POLR2B: variants seen among roughly 807,000 people sequenced by gnomAD.
The protein encoded by POLR2B is RNA polymerase II subunit B, also known as DNA-directed RNA polymerase II subunit RPB2.
POLR2B carries 57 observed loss-of-function variants against 144.6 expected under a neutral mutation model. The observed-to-expected ratio is 0.39, with a 90% CI of 0.32 to 0.49. POLR2B has a LOEUF of 0.49. Among genes scored for constraint, POLR2B ranks in the 20% least tolerant of loss-of-function variants. The pLI, the probability that POLR2B is intolerant of heterozygous loss-of-function variation, is 0.83. For missense variants in POLR2B, 595 were observed against 1,467.4 expected, an observed-to-expected ratio of 0.41 and a Z score of 9.71; for synonymous variants, 442 against 469.8, an observed-to-expected ratio of 0.94 and a Z score of 0.77.
chr4:56,998,307 C>T (rs1243386021), intron 6 of POLR2B, among the ~76,000 whole-genome samples: 1 of 151,360 alleles, frequency 6.6e-6, no homozygotes, highest in Admixed American at 6.6e-5. Flanking sequence ...AAGTGATTCT[C>T]CTGCCTCAGC....
intron 7 of POLR2B, among the ~76,000 whole-genome samples, chr4:57,001,512 T>A (rs994628006): frequency 8.5e-5 from 13 of 152,220 alleles, no homozygotes; most frequent in Admixed American, 2.0e-4. Context: ...GACAGGCCAT[T>A]TATTTTGTAG....
At chr4:56,992,464 CAAAAAAAAAA>C (rs1209234628) in intron 3 of POLR2B, among the ~76,000 whole-genome samples, 1 of 17,140 alleles carries the variant, frequency 5.8e-5, no homozygotes, top group Non-Finnish European at 8.8e-5. Flanking sequence ...GACTCTGTCT[CAAAAAAAAAA>C]AAAAAAAAAA....
At chr4:56,996,049 C>T (rs975234581) in intron 6 of POLR2B, among the ~76,000 whole-genome samples, 1 of 152,034 alleles carries the variant, frequency 6.6e-6, no homozygotes, top group Non-Finnish European at 1.5e-5. Flanking sequence ...AGCTTAGAAG[C>T]TGCAGACCAC....
chr4:57,006,941 T>C lies in POLR2B; in HGVS notation c.1343T>C (p.Leu448Ser). 6.2e-7 allele frequency: 1 copy of C among 1,613,984 alleles called. No homozygotes were observed. Among genetic ancestry groups the C allele is most frequent in the Non-Finnish European group, 8.5e-7 (1 of 1,179,876 alleles). ...RIISDGLKYSLATGNWGDQKK... is the reference protein window; with the variant it reads ...RIISDGLKYSSATGNWGDQKK... ...ATATCTGATGGCCTAAAATACTCTT[T>C]AGCTACTGGAAACTGGGGTGATCAA... Residue 448 changes from leucine (L) to serine (S), a missense_variant, in exon 10 of 25, where the codon TTA becomes TCA. Transcript: ENST00000314595.
Position 57,023,830 on chromosome 4 carries a change from A to C in POLR2B, c.2856+79A>C. 1.0e-6 allele frequency: 1 copy of C among 977,810 alleles called. No individual in the cohort carries two copies. The highest frequency in any genetic ancestry group is 1.6e-6 in the Non-Finnish European group (1 of 644,048). 60.6% of individuals were successfully genotyped at this position (977,810 alleles called of 1,614,324 possible). On this transcript the variant is annotated intron_variant, in intron 20 of 24. Transcript: ENST00000314595. The surrounding 1 kb of genome is among the most constrained non-coding windows in gnomAD (Gnocchi z 4.3). ...TTTTAATCAAAATTTGCTTTAACTT[A>C]AGAGCTCAAAGATGATACAGGTTGA...
At chr4:57,026,186 C>T (rs1723713105) in intron 23 of POLR2B, among the ~76,000 whole-genome samples, 1 of 151,640 alleles carries the variant, frequency 6.6e-6, no homozygotes, top group Non-Finnish European at 1.5e-5. Context: ...TGCAGTGAGC[C>T]GAGATCACAC....
chr4:57,017,571 C>T lies in POLR2B; in HGVS notation c.2166C>T (p.Asn722=). ...ATTTTTACGTTTAGTCCCCTAGAAA[C>T]ACATACCAGTCTGCTATGGGTAAGC... ...PFPDHNQSPR[N]TYQSAMGKQA... Residue 722 remains asparagine (N), a synonymous_variant, in exon 16 of 25, where the codon AAC becomes AAT. Transcript: ENST00000314595. This position sits in a 1 kb window ranked among gnomAD's most constrained non-coding sequence, Gnocchi z 4.8. 1.2e-6 allele frequency: 2 copies of T among 1,607,082 alleles called. No homozygotes were observed. The highest frequency in any genetic ancestry group is 1.7e-6 in the Non-Finnish European group (2 of 1,178,126).
rs1001547236 is a variant in POLR2B, at chr4:57,015,749, T to A, written c.1955+93T>A. 4.8e-5 allele frequency: 18 copies of A among 378,696 alleles called. 1 individual carries two copies. The highest frequency in any genetic ancestry group is 1.7e-3 in the Middle Eastern group (2 of 1,158). The allele number at this position is 378,696 out of a possible 1,614,324, so 23.5% of individuals were successfully genotyped here. ...AACCTTTTTTTATTTTTTATATTTT[T>A]ATTTAATTTTATTTATTTATTTATT... On this transcript the variant is annotated intron_variant, in intron 14 of 24. Transcript: ENST00000314595.
intron 6 of POLR2B, among the ~76,000 whole-genome samples, chr4:56,996,205 CATGTGTGTGT>C (rs2109664542): frequency 2.4e-5 from 1 of 41,166 alleles, no homozygotes; most frequent in African/African-American, 9.6e-5. Flanking sequence ...TATTTCAGTT[CATGTGTGTGT>C]GTGTGTGTGT....
At chr4:56,984,788 A>G (rs1722265630) in intron 1 of POLR2B, among the ~76,000 whole-genome samples, 1 of 152,234 alleles carries the variant, frequency 6.6e-6, no homozygotes, top group Non-Finnish European at 1.5e-5. Flanking sequence ...TGTACATTAG[A>G]ATAAAAGCCA....
At chr4:57,002,286 C>T (rs185495711) in intron 7 of POLR2B, among the ~76,000 whole-genome samples, 20 of 152,186 alleles carry the variant, frequency 1.3e-4, no homozygotes, top group Admixed American at 1.3e-3. Flanking sequence ...TCCTCGGGCT[C>T]CTGAAGTGCT....
In POLR2B at chr4:57,017,242, G is replaced by T; in HGVS notation, c.2154+1G>T. On this transcript the variant is annotated splice_donor_variant, in intron 15 of 24. Coordinates refer to ENST00000314595, the MANE Select transcript of POLR2B (RefSeq NM_000938.3). LOFTEE classifies it high-confidence loss of function. The surrounding 1 kb of genome is among the most constrained non-coding windows in gnomAD (Gnocchi z 4.8). Reference sequence around the variant, plus strand: ...TATTCCCTTTCCTGATCATAACCAGGTTGGTATCACTTTTTGTCTTCTGGT... The same window carrying T: ...TATTCCCTTTCCTGATCATAACCAGTTTGGTATCACTTTTTGTCTTCTGGT... 1 of 1,604,272 alleles carries T rather than the reference G, an allele frequency of 6.2e-7. No homozygotes were observed. The highest frequency in any genetic ancestry group is 8.5e-7 in the Non-Finnish European group (1 of 1,173,964).
intron 14 of POLR2B, among the ~76,000 whole-genome samples, chr4:57,016,041 G>A (rs1425291578): frequency 1.3e-5 from 2 of 152,220 alleles, no homozygotes; most frequent in Middle Eastern, 3.2e-3. Flanking sequence ...TTACAGGCAT[G>A]AGCCACTGCG....
chr4:57,015,586 GA>G lies in POLR2B; in HGVS notation c.1890del (p.Lys630AsnfsTer6). 6.6e-7 allele frequency: 1 copy of G among 1,516,756 alleles called. No homozygotes were observed. Among genetic ancestry groups the G allele is most frequent in the Non-Finnish European group, 8.9e-7 (1 of 1,120,754 alleles). The allele number at this position is 1,516,756 out of a possible 1,614,324, so 94.0% of individuals were successfully genotyped here. The part of the protein sequence containing the change: ...GRICRPLLIV[E>X]KQKLLLKKRH... Reference sequence around the variant, plus strand: ...TATTTGTAGACCACTTCTGATTGTGGAAAAACAAAAGCTACTTTTGAAGAAG... The same window carrying G: ...TATTTGTAGACCACTTCTGATTGTGGAAAACAAAAGCTACTTTTGAAGAAG... On this transcript the variant is annotated frameshift_variant, in exon 14 of 25. Coordinates refer to ENST00000314595, the MANE Select transcript of POLR2B (RefSeq NM_000938.3). LOFTEE classifies it high-confidence loss of function.
chr4:56,994,263 C>T, intron 3 of POLR2B, 141 bp from the exon 4 acceptor site: 1 of 590,304 alleles, frequency 1.7e-6, no homozygotes, highest in East Asian at 2.8e-5. Flanking sequence ...TTGGGAAGTC[C>T]CCATTTCAGT....
intron 7 of POLR2B, among the ~76,000 whole-genome samples, chr4:57,001,404 A>ATGCC (rs1370364746): frequency 2.0e-5 from 3 of 152,184 alleles, no homozygotes; most frequent in Non-Finnish European, 4.4e-5. Flanking sequence ...AGTGAGGGGC[A>ATGCC]GCCTGCGTAG....
rs532758173 is a variant in POLR2B at position 57,017,979 on chromosome 4, G to A, written c.2323+251G>A. ...GTTGGAAGTCTAGATCCAGTTTCAT[G>A]GAGAAGGTGGCATTTTAGATTGGAG... On this transcript the variant is annotated intron_variant, in intron 16 of 24. Transcript: ENST00000314595. The surrounding 1 kb of genome is among the most constrained non-coding windows in gnomAD (Gnocchi z 4.8). 1.4e-3 allele frequency among the ~76,000 whole-genome samples: 214 copies of A among 152,292 alleles called. 2 individuals carry two copies. The highest frequency in any genetic ancestry group is 4.9e-3 in the African/African-American group (204 of 41,576).
At chr4:57,014,500 T>C (rs1427594142) in intron 13 of POLR2B, among the ~76,000 whole-genome samples, 5 of 147,878 alleles carry the variant, frequency 3.4e-5, no homozygotes, top group Non-Finnish European at 7.5e-5. Flanking sequence ...TGGTCTTTTT[T>C]TTTCTTTTTT....
At chr4:56,984,034 T>G (rs752985308) in intron 1 of POLR2B, among the ~76,000 whole-genome samples, 1 of 151,734 alleles carries the variant, frequency 6.6e-6, no homozygotes, top group Non-Finnish European at 1.5e-5. Flanking sequence ...CTGGCTAATT[T>G]TTGTATTTTT....
Sources: allele counts gnomAD v4.1 joint callset (sites outside exome capture counted in the v4.1 genomes callset), GRCh38; gene constraint gnomAD v4.1.1; non-coding constraint Gnocchi (gnomAD v3.1); transcripts MANE v1.5; gene names NCBI Gene and HGNC (gene_info 2026-07-23, HGNC 2026-07-21).